Variants in CTNNBL1 observed in about 807,000 individuals in gnomAD.
CTNNBL1 encodes beta-catenin-like protein 1.
CTNNBL1 carries 31 observed loss-of-function variants against 72.7 expected under a neutral mutation model. That is an observed-to-expected ratio of 0.43 (90% CI 0.32 to 0.58). The LOEUF (loss-of-function observed/expected upper bound fraction) is 0.58, where lower values mean the gene tolerates loss of function less well. Among genes scored for constraint, CTNNBL1 ranks in the 20% least tolerant of loss-of-function variants. The pLI is 0.08. For synonymous variants in CTNNBL1, 240 were observed against 267.3 expected, an observed-to-expected ratio of 0.90 and a Z score of 1.00; for missense variants, 534 against 725.1, an observed-to-expected ratio of 0.74 and a Z score of 3.03.
rs138622476 is a variant in CTNNBL1, at chr20:37,794,226, A to G, written c.1032-8641A>G. ...CCGGGGTCAGTTTCCTTCTGCCTAA[A>G]TGACTTCCTTTAACATCTCTGGTAA... On this transcript the variant is annotated intron_variant, in intron 10 of 15. Coordinates refer to ENST00000361383, the MANE Select transcript of CTNNBL1 (RefSeq NM_030877.5). 3.3e-5 allele frequency among the ~76,000 whole-genome samples: 5 copies of G among 152,116 alleles called. No individual in the cohort carries two copies. In the East Asian group the frequency reaches 7.7e-4, roughly 24 times the overall value.
chr20:37,837,742 T>G (rs762026887), intron 11 of CTNNBL1, among the ~76,000 whole-genome samples: 2 of 152,186 alleles, frequency 1.3e-5, no homozygotes, highest in Non-Finnish European at 2.9e-5. Flanking sequence ...CCTCCACCAC[T>G]GAAAACTTTT....
At chr20:37,772,498 G>C (rs551826837) in intron 7 of CTNNBL1, among the ~76,000 whole-genome samples, 1 of 152,106 alleles carries the variant, frequency 6.6e-6, no homozygotes, top group Non-Finnish European at 1.5e-5. Context: ...ACAGGCGCCC[G>C]CCACCACATC....
At position 37,761,618 on chromosome 20, in the gene CTNNBL1, A is replaced by G. The variant is rs1273826526; in HGVS notation, c.565-3579A>G. Among the ~76,000 whole-genome samples, 5 of 152,362 alleles carry G rather than the reference A, an allele frequency of 3.3e-5. No homozygotes were observed. In the East Asian group the frequency reaches 7.7e-4, roughly 24 times the overall value. On this transcript the variant is annotated intron_variant, in intron 5 of 15. Coordinates refer to ENST00000361383, the MANE Select transcript of CTNNBL1 (RefSeq NM_030877.5). ...GTGTTCCTGATTGTAGGAACCAGCT[A>G]TATAGCTGTGAGCAAGCCTGACAAA... is the stretch of plus-strand genomic sequence containing the variant.
chr20:37,732,431 A>G (rs2073137428), intron 1 of CTNNBL1, among the ~76,000 whole-genome samples: 1 of 152,254 alleles, frequency 6.6e-6, no homozygotes, highest in South Asian at 2.1e-4. Context: ...TATCTTGACT[A>G]GTATGTGAGC....
At chr20:37,760,987 TAAA>T (rs199904274) in intron 5 of CTNNBL1, among the ~76,000 whole-genome samples, 5 of 138,812 alleles carry the variant, frequency 3.6e-5, no homozygotes, top group Admixed American at 7.2e-5. Flanking sequence ...AGCTTTAGTT[TAAA>T]AAAAAAAAAA....
chr20:37,748,894 G>T (rs2073292562), intron 4 of CTNNBL1, among the ~76,000 whole-genome samples: 1 of 152,210 alleles, frequency 6.6e-6, no homozygotes, highest in Non-Finnish European at 1.5e-5. Context: ...TCCATCTTTG[G>T]CAGGTAACTG....
At chr20:37,755,150 G>A (rs755875145) in intron 4 of CTNNBL1, among the ~76,000 whole-genome samples, 3 of 152,166 alleles carry the variant, frequency 2.0e-5, no homozygotes, top group African/African-American at 4.8e-5. Flanking sequence ...CTGTTAAATA[G>A]TGCTTACACC....
intron 13 of CTNNBL1, among the ~76,000 whole-genome samples, chr20:37,847,674 T>G (rs1252906266): frequency 6.6e-6 from 1 of 152,178 alleles, no homozygotes; most frequent in African/African-American, 2.4e-5. Flanking sequence ...ATATAGGTAC[T>G]AGCAGGAATT....
chr20:37,788,118 C>T (rs940495981), intron 10 of CTNNBL1, among the ~76,000 whole-genome samples: 1 of 152,158 alleles, frequency 6.6e-6, no homozygotes, highest in Non-Finnish European at 1.5e-5. Context: ...CATGTCTCTT[C>T]CCCCACGTCT....
chr20:37,835,905 CT>C (rs2122802057), intron 11 of CTNNBL1, among the ~76,000 whole-genome samples: 1 of 152,268 alleles, frequency 6.6e-6, no homozygotes, highest in African/African-American at 2.4e-5. Context: ...AATTTTCCCC[CT>C]GAAAATGTAC....
At chr20:37,746,948 G>C (rs1304903753) in intron 4 of CTNNBL1, among the ~76,000 whole-genome samples, 2 of 152,256 alleles carry the variant, frequency 1.3e-5, no homozygotes, top group Non-Finnish European at 2.9e-5. Context: ...AGACAGATTT[G>C]AATGTGTAAA....
intron 13 of CTNNBL1, among the ~76,000 whole-genome samples, chr20:37,852,117 C>T (rs969045606): frequency 6.6e-6 from 1 of 152,228 alleles, no homozygotes; most frequent in African/African-American, 2.4e-5. Context: ...CACCTTCAGG[C>T]TCTTCAAAGG....
At chr20:37,740,783 A>C (rs1206398615) in intron 3 of CTNNBL1, among the ~76,000 whole-genome samples, 2 of 152,202 alleles carry the variant, frequency 1.3e-5, no homozygotes, top group African/African-American at 4.8e-5. Flanking sequence ...CTCCTGAAAG[A>C]ATGAGAGTGA....
chr20:37,867,726 C>T (rs990670931), intron 15 of CTNNBL1, among the ~76,000 whole-genome samples: 1 of 152,242 alleles, frequency 6.6e-6, no homozygotes, highest in Admixed American at 6.5e-5. Flanking sequence ...CGCACACACA[C>T]ATGCAGCAGA....
intron 12 of CTNNBL1, among the ~76,000 whole-genome samples, chr20:37,841,906 G>A (rs772706272): frequency 2.0e-4 from 31 of 152,164 alleles, no homozygotes; most frequent in African/African-American, 7.2e-4. Context: ...AAAAAGATCA[G>A]CTCTGGGGCA....
chr20:37,832,478 A>G (rs6021223), intron 11 of CTNNBL1: 4 of 152,364 alleles, frequency 2.6e-5, no homozygotes, highest in African/African-American at 9.6e-5. Flanking sequence ...GGACAGCCCC[A>G]GCTTACAAAT....
intron 1 of CTNNBL1, among the ~76,000 whole-genome samples, chr20:37,710,767 G>A (rs577614695): frequency 6.6e-6 from 1 of 152,110 alleles, no homozygotes; most frequent in African/African-American, 2.4e-5. Context: ...GTATCTTTTA[G>A]TCAGCCTTAT....
intron 11 of CTNNBL1, among the ~76,000 whole-genome samples, chr20:37,803,253 A>T (rs542925789): frequency 6.6e-6 from 1 of 152,154 alleles, no homozygotes; most frequent in African/African-American, 2.4e-5. Flanking sequence ...GCTTGTTTGA[A>T]TCCTGGTCAT....
intron 2 of CTNNBL1, 122 bp from the exon 3 acceptor site, chr20:37,737,256 T>C: frequency 1.4e-6 from 1 of 707,240 alleles, no homozygotes; most frequent in South Asian, 1.8e-5. Flanking sequence ...AAGTGTACTG[T>C]ACATTGAACC....
Sources: gnomAD v4.1 joint callset for allele counts (sites outside exome capture counted in the v4.1 genomes callset) on GRCh38, gnomAD v4.1.1 for gene constraint, MANE v1.5 for transcripts, NCBI Gene and HGNC (gene_info 2026-07-23, HGNC 2026-07-21) for gene names.